The following MZF1 variants were observed in gnomAD, a reference collection of about 807,000 sequenced individuals.
MZF1 encodes the protein myeloid zinc finger 1, also known as zinc finger and SCAN domain-containing protein 6.
A neutral mutation model predicts 28.6 loss-of-function variants in MZF1; 24 were observed. The ratio of observed to expected loss-of-function variants is 0.84; its 90% CI spans 0.61 to 1.18. The LOEUF is 1.18. Among genes scored for constraint, MZF1 ranks in the 50% most tolerant of loss-of-function variants. MZF1 has a pLI of 0.00. For synonymous variants in MZF1, 516 were observed against 432.5 expected, an observed-to-expected ratio of 1.19 and a Z score of -2.40; for missense variants, 1,166 against 1,026.4, an observed-to-expected ratio of 1.14 and a Z score of -1.86.
intron 5 of MZF1, chr19:58,564,689 T>C (rs1263009830): frequency 1.3e-5 from 2 of 152,150 alleles, no homozygotes; most frequent in African/African-American, 4.8e-5. Context: ...GTTCAAGTAA[T>C]TCAATTTTTA....
Position 58,562,636 on chromosome 19 carries a change from GC to G in MZF1, c.1640del (p.Gly547AlafsTer10). 1 of 1,559,122 alleles carries G rather than the reference GC, an allele frequency of 6.4e-7. No homozygotes were observed. Among genetic ancestry groups the G allele is most frequent in the South Asian group, 1.2e-5 (1 of 86,176 alleles). On this transcript the variant is annotated frameshift_variant, in exon 6 of 6. Coordinates refer to ENST00000215057, the MANE Select transcript of MZF1 (RefSeq NM_198055.2). LOFTEE classifies it low-confidence loss of function (END_TRUNC). ...GERPFACAEC[G>X]QSFRQRSNLT... ...GGTTGGAGCGCTGCCGGAAGCTCTG[GC>G]CGCACTCGGCACAGGCGAAGGGCCG...
Position 58,563,425 on chromosome 19 carries a change from G to C in MZF1, c.852C>G (p.Gly284=). 3.1e-6 allele frequency: 5 copies of C among 1,592,360 alleles called. No individual in the cohort carries two copies. The highest frequency in any genetic ancestry group is 4.3e-6 in the Non-Finnish European group (5 of 1,169,396). ...GGATCTGGCCAGAAAGGCCAGCCAT[G>C]CCGAGGTCCCAGGGGACGTGGAGGT... is the stretch of plus-strand genomic sequence containing the variant. The part of the protein sequence containing the change: ...SPHLHVPWDL[G]MAGLSGQIQS... The change falls in exon 6 of 6, where the codon GGC becomes GGG. Residue 284 remains glycine, a synonymous_variant. Transcript: ENST00000215057.
rs1265221278 is a variant in MZF1 at position 58,570,995 on chromosome 19, C to A, written c.395G>T (p.Trp132Leu). Reference sequence around the variant, plus strand: ...CCCCACTCGTGGACACTCACTCACCCATCTCCGGGGTCCGCCCGGCTCCCG... The same window carrying A: ...CCCCACTCGTGGACACTCACTCACCAATCTCCGGGGTCCGCCCGGCTCCCG... ...LRREPGGPRR[W>L]VTVQVQGQEV... Residue 132 changes from tryptophan to leucine, a missense_variant and splice_region_variant, in exon 2 of 6, where the codon TGG becomes TTG. By Grantham distance (61) the Trp-to-Leu change is moderately conservative. Transcript: ENST00000215057. 6.2e-7 allele frequency: 1 copy of A among 1,602,090 alleles called. No individual in the cohort carries two copies. Among genetic ancestry groups the A allele is most frequent in the Non-Finnish European group, 8.5e-7 (1 of 1,173,248 alleles).
rs539702814 is a variant in MZF1 at position 58,570,574 on chromosome 19, T to C, written c.397-47A>G. The C allele has an allele frequency of 1.9e-6, 3 of 1,572,936 alleles. 1 individual carries two copies. The highest frequency in any genetic ancestry group is 2.3e-5 in the South Asian group (2 of 85,484). On this transcript the variant is annotated intron_variant, in intron 2 of 5. Coordinates refer to ENST00000215057, the MANE Select transcript of MZF1 (RefSeq NM_198055.2). ...CAGAAGTCCTACCAGAGAGTAAGGC[T>C]GGCCGCAACCTGGGGTTTGTGGGTG...
At position 58,569,195 on chromosome 19, in the gene MZF1, T is replaced by G; in HGVS notation, c.772+82A>C. 3.4e-6 allele frequency: 5 copies of G among 1,473,568 alleles called. No individual in the cohort carries two copies. The South Asian group carries it at 6.8e-5, about 20-fold the overall frequency. The allele number at this position is 1,473,568 out of a possible 1,614,324, so 91.3% of individuals were successfully genotyped here. ...GGGATGCTGGAGTAAGAGGGCTGCC[T>G]GCGTAGGGCCAGGAGTGGGGTCGGC... On this transcript the variant is annotated intron_variant, in intron 5 of 5. Transcript: ENST00000215057.
In MZF1 at chr19:58,562,477, G is replaced by C; in HGVS notation, c.1800C>G (p.Pro600=). The C allele has an allele frequency of 6.2e-7, 1 of 1,610,746 alleles. No homozygotes were observed. Among genetic ancestry groups the C allele is most frequent in the Non-Finnish European group, 8.5e-7 (1 of 1,179,260 alleles). The stretch of plus-strand genomic sequence containing the variant: ...GCTGGCTGAAGCGCTGGCCACACTC[G>C]GGGCAGGCAAAGGGTTTCTCGCCCG... ...VHTGEKPFAC[P]ECGQRFSQRL... Residue 600 remains proline (P), a synonymous_variant, in exon 6 of 6, where the codon CCC becomes CCG. Coordinates refer to ENST00000215057, the MANE Select transcript of MZF1 (RefSeq NM_198055.2).
chr19:58,569,758 GAGTACCCTGGAAGGC>G, intron 3 of MZF1, 172 bp from the exon 4 acceptor site: 1 of 591,792 alleles, frequency 1.7e-6, no homozygotes, highest in South Asian at 2.1e-5. Flanking sequence ...GGGTGAAGCA[GAGTACCCTGGAAGGC>G]CAGGGGTTGA....
chr19:58,568,713 G>T (rs2122719410), intron 5 of MZF1: 1 of 152,694 alleles, frequency 6.5e-6, no homozygotes, highest in East Asian at 1.9e-4. Context: ...GGAGACCCTG[G>T]GTCTCAGGAA....
At position 58,563,113 on chromosome 19, in the gene MZF1, C is replaced by T. The variant is rs1490564825; in HGVS notation, c.1164G>A (p.Glu388=). 2 of 1,606,524 alleles carry T rather than the reference C, an allele frequency of 1.2e-6. No homozygotes were observed. The highest frequency in any genetic ancestry group is 1.7e-5 in the Admixed American group (1 of 59,930). ...HTGERPFVCS[E]CGRSFSRSSH... ...AGCTGCGGCTGAAGCTGCGGCCGCACTCGCTGCACACGAATGGTCGCTCAC... is the reference window on the plus strand; with the variant it reads ...AGCTGCGGCTGAAGCTGCGGCCGCATTCGCTGCACACGAATGGTCGCTCAC... Residue 388 remains glutamate, a synonymous_variant, in exon 6 of 6, where the codon GAG becomes GAA. Coordinates refer to ENST00000215057, the MANE Select transcript of MZF1 (RefSeq NM_198055.2).
At chr19:58,570,179 C>A (rs867563013) in intron 3 of MZF1, 165 bp downstream of exon 3, 2 of 676,860 alleles carry the variant, frequency 3.0e-6, no homozygotes, top group African/African-American at 1.8e-5. Context: ...GCACTGGCTG[C>A]GGTGGAGGGG....
chr19:58,569,438 G>T (rs369480646), intron 4 of MZF1, 41 bp from the exon 5 acceptor site: 42 of 1,613,830 alleles, frequency 2.6e-5, no homozygotes, highest in Non-Finnish European at 3.0e-5. Flanking sequence ...GCCTGGCTGG[G>T]CTCAGGGAGG....
Position 58,571,273 on chromosome 19 carries a change from G to T in MZF1, c.117C>A (p.Gly39=). The change falls in exon 2 of 6, where the codon GGC becomes GGA. Residue 39 remains glycine (G), a synonymous_variant. Transcript: ENST00000215057. ...EEGEAALWDP[G]PEAARLRFRC... is the part of the protein sequence containing the mutation. ...GGAAACGCAGGCGTGCAGCTTCAGG[G>T]CCTGGGTCCCATAAGGCAGCCTCAC... 6.2e-7 allele frequency: 1 copy of T among 1,613,566 alleles called. No homozygotes were observed.
chr19:58,565,935 T>C (rs2122704430), intron 5 of MZF1, among the ~76,000 whole-genome samples: 2 of 140,354 alleles, frequency 1.4e-5, no homozygotes, highest in South Asian at 4.6e-4. Context: ...GGTCAGGAGA[T>C]CGAGACCATC....
chr19:58,567,817 GT>G (rs1056940929), intron 5 of MZF1, among the ~76,000 whole-genome samples: 2 of 151,604 alleles, frequency 1.3e-5, no homozygotes, highest in South Asian at 2.1e-4. Flanking sequence ...AGAACACACT[GT>G]TTTTTTTTAA....
In MZF1 at chr19:58,563,000, C is replaced by A. The variant is rs752636714; in HGVS notation, c.1277G>T (p.Arg426Leu). Residue 426 changes from arginine to leucine, a missense_variant, in exon 6 of 6, where the codon CGC becomes CTC. Physicochemically the swap from Arg to Leu is moderately radical, Grantham distance 102. Transcript: ENST00000215057. ...GTGCACTCTCCGATGCTCTTCCAGG[C>A]GCGCGCTGCGCACGAAGCCCTGGCC... ...DCGQGFVRSARLEEHRRVHTG... is the reference protein window; with the variant it reads ...DCGQGFVRSALLEEHRRVHTG... 2.5e-6 allele frequency: 4 copies of A among 1,601,902 alleles called. No individual in the cohort carries two copies. The South Asian group carries it at 4.4e-5, about 18-fold the overall frequency.
rs1174565650 is a variant in MZF1 at position 58,564,901 on chromosome 19, TG to T, written c.773-1398del. ...GGTGGAGAATAAGCATCCATGTGTG[TG>T]TTTTTTTTTTTTTTTTTTTTTTTTT... is the stretch of plus-strand genomic sequence containing the variant. On this transcript the variant is annotated intron_variant, in intron 5 of 5. Transcript: ENST00000215057. 9.3e-4 allele frequency among the ~76,000 whole-genome samples: 93 copies of T among 100,264 alleles called. 6 individuals carry two copies. The highest frequency in any genetic ancestry group is 1.7e-3 in the African/African-American group (28 of 16,862). 65.8% of individuals were successfully genotyped at this position (100,264 alleles called of 152,430 possible).
Position 58,570,109 on chromosome 19 carries a change from C to T in MZF1, c.580+235G>A, listed in dbSNP as rs976727313. 4.1e-5 allele frequency: 19 copies of T among 466,054 alleles called. No homozygotes were observed. In the Admixed American group the frequency reaches 7.2e-4, roughly 18 times the overall value. The allele number at this position is 466,054 out of a possible 1,614,324, so 28.9% of individuals were successfully genotyped here. On this transcript the variant is annotated intron_variant, in intron 3 of 5. Coordinates refer to ENST00000215057, the MANE Select transcript of MZF1 (RefSeq NM_198055.2). Reference sequence around the variant, plus strand: ...GAAACCCCAACAGCCTGCTCCATGCCATGGGGTTCGTGGGTACAGGGCTGT... The same window carrying T: ...GAAACCCCAACAGCCTGCTCCATGCTATGGGGTTCGTGGGTACAGGGCTGT...
chr19:58,573,562 G>A (rs576346910), upstream of MZF1: 1 of 152,370 alleles, frequency 6.6e-6, no homozygotes, highest in Non-Finnish European at 1.5e-5. Flanking sequence ...CAGGCCCTTC[G>A]TGTGTACGTG....
At chr19:58,563,559 C>G in intron 5 of MZF1, 55 bp from the exon 6 acceptor site, 1 of 1,394,032 alleles carries the variant, frequency 7.2e-7, no homozygotes, top group Non-Finnish European at 9.6e-7. Flanking sequence ...GTGCCGGGAC[C>G]CACTTCATCC....
Sources: gnomAD v4.1 joint callset for allele counts (sites outside exome capture counted in the v4.1 genomes callset) on GRCh38, gnomAD v4.1.1 for gene constraint, MANE v1.5 for transcripts, NCBI Gene and HGNC (gene_info 2026-07-23, HGNC 2026-07-21) for gene names.